KCNN2: variants seen among roughly 807,000 people sequenced by gnomAD.
KCNN2 encodes potassium calcium-activated channel subfamily N member 2, also known as small conductance calcium-activated potassium channel protein 2.
KCNN2 carries 24 observed loss-of-function variants against 55.5 expected under a neutral mutation model. The ratio of observed to expected loss-of-function variants is 0.43; its 90% CI spans 0.31 to 0.61. The LOEUF is 0.61. Among genes scored for constraint, KCNN2 ranks in the 20% least tolerant of loss-of-function variants. The pLI is 0.08. For missense variants in KCNN2, 754 were observed against 853.6 expected (o/e 0.88, Z 1.45); for synonymous variants, 431 against 336.1 (o/e 1.28, Z -3.09).
chr5:114,435,136 C>T (rs909002000), intron 3 of KCNN2, among the ~76,000 whole-genome samples: 2 of 147,842 alleles, frequency 1.4e-5, no homozygotes, highest in African/African-American at 4.9e-5. Flanking sequence ...CACCCCTTAC[C>T]CCTCACCCCA....
chr5:114,337,437 T>G (rs1756941447), intron 2 of KCNN2, among the ~76,000 whole-genome samples: 1 of 152,206 alleles, frequency 6.6e-6, no homozygotes, highest in African/African-American at 2.4e-5. Context: ...AACTTGCAGT[T>G]ATTTACAGTA....
At chr5:114,204,417 G>A (rs565698103) in intron 1 of KCNN2, among the ~76,000 whole-genome samples, 8 of 152,260 alleles carry the variant, frequency 5.3e-5, no homozygotes, top group East Asian at 1.9e-4. Flanking sequence ...CTCATTTTGC[G>A]TATTCAGACC....
At chr5:114,195,283 T>G (rs528864311) in intron 1 of KCNN2, among the ~76,000 whole-genome samples, 1 of 152,122 alleles carries the variant, frequency 6.6e-6, no homozygotes, top group South Asian at 2.1e-4. Flanking sequence ...TTGAGTAGTA[T>G]TGCCAACTGA....
Position 114,385,519 on chromosome 5 carries a change from G to GCACACACACA in KCNN2, c.1219-18890_1219-18881dup, listed in dbSNP as rs10548694. Among the ~76,000 whole-genome samples, 538 of 143,438 alleles carry GCACACACACA rather than the reference G, an allele frequency of 3.8e-3. 3 individuals are homozygous for GCACACACACA. The highest frequency in any genetic ancestry group is 7.7e-3 in the South Asian group (34 of 4,430). The allele number at this position is 143,438 out of a possible 152,430, so 94.1% of individuals were successfully genotyped here. A position where few individuals can be genotyped will look rare whatever the true frequency, so the allele number is the denominator to read the frequency against. On this transcript the variant is annotated intron_variant, in intron 2 of 7. Transcript: ENST00000673685. ...TTATTGACAGCATACACACATGCGC[G>GCACACACACA]CACACACACACACACACACACACAC...
At chr5:114,360,363 T>G (rs1026471486), upstream of KCNN2, among the ~76,000 whole-genome samples, 1 of 152,130 alleles carries the variant, frequency 6.6e-6, no homozygotes, top group African/African-American at 2.4e-5. Context: ...GAGTAGAATA[T>G]CAAGAAATTG....
intron 2 of KCNN2, among the ~76,000 whole-genome samples, chr5:114,246,676 A>G (rs1754754068): frequency 6.6e-6 from 1 of 152,180 alleles, no homozygotes; most frequent in South Asian, 2.1e-4. Context: ...GGATATGTCC[A>G]TAGTTGGTTG....
At chr5:114,367,364 C>T (rs1471155542) in intron 2 of KCNN2, among the ~76,000 whole-genome samples, 1 of 152,138 alleles carries the variant, frequency 6.6e-6, no homozygotes, top group Non-Finnish European at 1.5e-5. Flanking sequence ...GGTCGTAATA[C>T]TTATAAAACA....
intron 2 of KCNN2, among the ~76,000 whole-genome samples, chr5:114,288,669 T>G (rs1228280354): frequency 2.0e-5 from 3 of 152,294 alleles, no homozygotes; most frequent in Middle Eastern, 3.4e-3. Flanking sequence ...TATATTTTCT[T>G]TGGAGAAATG....
intron 3 of KCNN2, among the ~76,000 whole-genome samples, chr5:114,414,112 AT>A (rs926426148): frequency 2.0e-5 from 3 of 151,996 alleles, no homozygotes; most frequent in African/African-American, 4.8e-5. Flanking sequence ...TCTGCATTGT[AT>A]TTTTTTTAAT....
intron 1 of KCNN2, among the ~76,000 whole-genome samples, chr5:114,077,491 A>G (rs1750706946): frequency 6.6e-6 from 1 of 152,228 alleles, no homozygotes; most frequent in South Asian, 2.1e-4. Context: ...GGGTGCTCAC[A>G]TACTAGTTTC....
rs114889932 is a variant in KCNN2 at position 114,405,356 on chromosome 5, G to A, written c.1637+500G>A. 5.8e-3 allele frequency among the ~76,000 whole-genome samples: 886 copies of A among 152,252 alleles called. 9 individuals carry two copies. The highest frequency in any genetic ancestry group is 0.01 in the Middle Eastern group (3 of 292). On this transcript the variant is annotated intron_variant, in intron 3 of 7. Coordinates refer to ENST00000673685, the MANE Select transcript of KCNN2 (RefSeq NM_021614.4). ...CTTGATAAGGAGGTTATGGGTATGC[G>A]TATTAGTTTGTACTGAACTTTCAAC...
intron 3 of KCNN2, among the ~76,000 whole-genome samples, chr5:114,460,188 T>C (rs1466539294): frequency 1.3e-5 from 2 of 152,186 alleles, no homozygotes; most frequent in Non-Finnish European, 2.9e-5. Flanking sequence ...CTTCTCTTCG[T>C]AGTTACCTGC....
At position 114,209,867 on chromosome 5, in the gene KCNN2, T is replaced by C. The variant is rs573861059; in HGVS notation, c.-270-11613T>C. 7.0e-4 allele frequency among the ~76,000 whole-genome samples: 106 copies of C among 152,356 alleles called. 2 individuals are homozygous for C. The highest frequency in any genetic ancestry group is 2.4e-3 in the African/African-American group (99 of 41,582). The stretch of plus-strand genomic sequence containing the variant: ...TCTCTAACTTAAATACATTCATTCC[T>C]CATTATTCACAGATTCCTTATTTGT... On this transcript the variant is annotated intron_variant, in intron 1 of 10. Transcript: ENST00000512097.
At chr5:114,472,073 AGATTCTATCTGGAGGT>A (rs1238306463) in intron 4 of KCNN2, among the ~76,000 whole-genome samples, 1 of 152,208 alleles carries the variant, frequency 6.6e-6, no homozygotes, top group African/African-American at 2.4e-5. Flanking sequence ...CTCAGGGTTG[AGATTCTATCTGGAGGT>A]GTGACTTCCC....
intron 1 of KCNN2, among the ~76,000 whole-genome samples, chr5:114,091,595 A>G (rs1047330482): frequency 3.3e-5 from 5 of 152,184 alleles, no homozygotes; most frequent in African/African-American, 1.2e-4. Context: ...GTCCATTTTC[A>G]TACTGCTGTA....
rs138038388 is a variant in KCNN2, at chr5:114,084,057, C to T, written c.-271+27557C>T. ...TGAAATTCATTGTATGGATGTACCA[C>T]AGTCTGCTTCTCTAGTCACTTTTTG... On this transcript the variant is annotated intron_variant, in intron 1 of 10. Transcript: ENST00000512097. Among the ~76,000 whole-genome samples, 115 of 152,246 alleles carry T rather than the reference C, an allele frequency of 7.6e-4. 2 individuals are homozygous for T. Among genetic ancestry groups the T allele is most frequent in the African/African-American group, 2.7e-3 (114 of 41,568 alleles).
intron 2 of KCNN2, among the ~76,000 whole-genome samples, chr5:114,328,579 C>T (rs973651102): frequency 2.6e-5 from 4 of 152,150 alleles, no homozygotes; most frequent in African/African-American, 9.7e-5. Flanking sequence ...TAGTACCAAG[C>T]AGTCTGTTTG....
At chr5:114,145,772 AAC>A (rs1229109636) in intron 1 of KCNN2, among the ~76,000 whole-genome samples, 1 of 152,164 alleles carries the variant, frequency 6.6e-6, no homozygotes, top group African/African-American at 2.4e-5. Flanking sequence ...TATAGTTTTT[AAC>A]AGTCTGTGGA....
chr5:114,085,846 A>G (rs770474239), intron 1 of KCNN2, among the ~76,000 whole-genome samples: 2 of 152,068 alleles, frequency 1.3e-5, no homozygotes, highest in Non-Finnish European at 2.9e-5. Flanking sequence ...AGTAATAGTT[A>G]TTATGTTATC....
Sources: gnomAD v4.1 joint callset for allele counts (sites outside exome capture counted in the v4.1 genomes callset) on GRCh38, gnomAD v4.1.1 for gene constraint, MANE v1.5 for transcripts, NCBI Gene and HGNC (gene_info 2026-07-23, HGNC 2026-07-21) for gene names.